Variants in BNC2 observed in about 807,000 individuals in gnomAD.
The protein encoded by BNC2 is zinc finger protein basonuclin-2.
A neutral mutation model predicts 76.3 loss-of-function variants in BNC2; 20 were observed. That is an observed-to-expected ratio of 0.26 (90% CI 0.18 to 0.38). The LOEUF is 0.38. Among genes scored for constraint, BNC2 ranks in the 10% least tolerant of loss-of-function variants. The probability of loss-of-function intolerance (pLI) is 1.00; values close to 1 mark genes in which losing one functional copy is unlikely to be tolerated. For missense variants in BNC2, 1,382 were observed against 1,399.8 expected (o/e 0.99, Z 0.20); for synonymous variants, 582 against 514.8 (o/e 1.13, Z -1.77).
At chr9:16,770,345 G>A (rs1371987899) in intron 1 of BNC2, among the ~76,000 whole-genome samples, 2 of 152,104 alleles carry the variant, frequency 1.3e-5, no homozygotes, top group African/African-American at 2.4e-5. Context: ...TCTCCCCAAA[G>A]CTCATTCACC....
At chr9:16,665,013 C>T in intron 3 of BNC2, 1 of 455,520 alleles carries the variant, frequency 2.2e-6, no homozygotes, top group South Asian at 1.6e-5. Context: ...TTAGATATCA[C>T]AGCAACTATC....
At chr9:16,677,045 T>C (rs1197926045) in intron 3 of BNC2, among the ~76,000 whole-genome samples, 1 of 152,200 alleles carries the variant, frequency 6.6e-6, no homozygotes, top group Admixed American at 6.5e-5. Flanking sequence ...AGGTAAATAA[T>C]ATTTAATTTT....
rs563643583 is a variant in BNC2, at chr9:16,727,409, C to CT, written c.330+387dup. ...ACTGTTTTTTAGGTTGCGGAACCTA[C>CT]TCCGAGAGAGCAAACACTTTGGACG... On this transcript the variant is annotated intron_variant, in intron 3 of 6. Transcript: ENST00000380672. The CT allele has an allele frequency of 6.5e-5, 13 of 199,578 alleles. No individual in the cohort carries two copies. The East Asian group carries it at 1.6e-3, about 25-fold the overall frequency. The allele number at this position is 199,578 out of a possible 1,614,324, so 12.4% of individuals were successfully genotyped here. A position where few individuals can be genotyped will look rare whatever the true frequency, so the allele number is the denominator to read the frequency against.
intron 3 of BNC2, among the ~76,000 whole-genome samples, chr9:16,664,460 T>C (rs138164335): frequency 6.6e-6 from 1 of 152,238 alleles, no homozygotes; most frequent in Non-Finnish European, 1.5e-5. Flanking sequence ...CATAAGCCTA[T>C]ACCAAGTTTT....
intron 5 of BNC2, among the ~76,000 whole-genome samples, chr9:16,523,057 T>A (rs1411825393): frequency 3.3e-5 from 5 of 152,222 alleles, no homozygotes; most frequent in African/African-American, 1.2e-4. Flanking sequence ...AAATGAAACA[T>A]GGAAGCAGAA....
chr9:16,418,698 ATGTGTGTG>A lies in BNC2; in HGVS notation c.*283_*290del, dbSNP rs745647566. On this transcript the variant is annotated 3_prime_UTR_variant, in exon 7 of 7. Coordinates refer to ENST00000380672, the MANE Select transcript of BNC2 (RefSeq NM_017637.6). ...TGTGTGTGTGTGTGTGTGTATGTGC[ATGTGTGTG>A]TGTGTGTGTTTAAAGGGGTACTCTG... The A allele has an allele frequency of 6.8e-3, 2,049 of 300,300 alleles. 15 individuals carry two copies. Among genetic ancestry groups the A allele is most frequent in the Middle Eastern group, 0.029 (26 of 904 alleles). The allele number at this position is 300,300 out of a possible 1,614,324, so 18.6% of individuals were successfully genotyped here.
Position 16,437,297 on chromosome 9 carries a change from A to G in BNC2, c.897T>C (p.Ala299=), listed in dbSNP as rs374955786. The G allele has an allele frequency of 2.5e-6, 4 of 1,614,012 alleles. No homozygotes were observed. The highest frequency in any genetic ancestry group is 2.2e-5 in the East Asian group (1 of 44,890). ...NNRTRSPSLL[A]HLENSNPSSI... The stretch of plus-strand genomic sequence containing the variant: ...TGGAAGGATTGCTGTTCTCTAAGTG[A>G]GCAAGGAGGCTGGGACTCCTGGTGC... The change falls in exon 6 of 7, where the codon GCT becomes GCC. Residue 299 remains alanine, a synonymous_variant. Coordinates refer to ENST00000380672, the MANE Select transcript of BNC2 (RefSeq NM_017637.6).
At chr9:16,788,229 G>C (rs1321010736) in intron 1 of BNC2, among the ~76,000 whole-genome samples, 1 of 152,102 alleles carries the variant, frequency 6.6e-6, no homozygotes. Flanking sequence ...AACCACAGAT[G>C]AACTGACTTG....
At chr9:16,820,916 T>G (rs1011962910) in intron 1 of BNC2, among the ~76,000 whole-genome samples, 3 of 151,796 alleles carry the variant, frequency 2.0e-5, no homozygotes, top group African/African-American at 7.3e-5. Flanking sequence ...CTTAAAAGGA[T>G]TCAAGTAGGC....
intron 6 of BNC2, among the ~76,000 whole-genome samples, chr9:16,422,655 T>C (rs1820733290): frequency 6.6e-6 from 1 of 152,174 alleles, no homozygotes; most frequent in African/African-American, 2.4e-5. Flanking sequence ...CTCATGATAG[T>C]GGGCTTGAAG....
In BNC2 at chr9:16,414,798, A is replaced by T. The variant is rs1323331275; in HGVS notation, c.*4191T>A. ...GCCCTCATTCTCATTTGCTTGGCACATATCTGGGGTGTGTACAGAGAAAGG... is the reference window on the plus strand; with the variant it reads ...GCCCTCATTCTCATTTGCTTGGCACTTATCTGGGGTGTGTACAGAGAAAGG... On this transcript the variant is annotated 3_prime_UTR_variant, in exon 7 of 7. Transcript: ENST00000380672. The T allele has an allele frequency of 2.6e-5, 4 of 152,080 alleles. No individual in the cohort carries two copies. The highest frequency in any genetic ancestry group is 5.9e-5 in the Non-Finnish European group (4 of 68,030). 9.4% of individuals were successfully genotyped at this position (152,080 alleles called of 1,614,324 possible). A position where few individuals can be genotyped will look rare whatever the true frequency, so the allele number is the denominator to read the frequency against.
At chr9:16,599,128 T>C (rs1345096738) in intron 3 of BNC2, among the ~76,000 whole-genome samples, 1 of 152,172 alleles carries the variant, frequency 6.6e-6, no homozygotes, top group African/African-American at 2.4e-5. Context: ...CCAAAGACAA[T>C]GCTAGAAATT....
intron 5 of BNC2, among the ~76,000 whole-genome samples, chr9:16,515,959 C>T (rs928976104): frequency 2.1e-5 from 3 of 144,538 alleles, no homozygotes; most frequent in Non-Finnish European, 4.6e-5. Context: ...AAAAAAAAGT[C>T]AGACTGCCAC....
chr9:16,863,624 G>C (rs1376932598), intron 1 of BNC2, among the ~76,000 whole-genome samples: 1 of 152,204 alleles, frequency 6.6e-6, no homozygotes, highest in Admixed American at 6.5e-5. Flanking sequence ...GAACCCAGGA[G>C]ATGGAGGTTG....
At chr9:16,459,856 C>A (rs1176523001) in intron 5 of BNC2, among the ~76,000 whole-genome samples, 1 of 152,152 alleles carries the variant, frequency 6.6e-6, no homozygotes, top group East Asian at 1.9e-4. Flanking sequence ...ATATAAACCA[C>A]AGATTGCACA....
chr9:16,410,601 T>TA lies in BNC2; in HGVS notation c.*8387_*8388insT, dbSNP rs1486949231. The stretch of plus-strand genomic sequence containing the variant: ...TAAGATATAATACTAGAACATCTCA[T>TA]TCACTTAATTCACGTTATGCAAACC... On this transcript the variant is annotated 3_prime_UTR_variant, in exon 7 of 7. Coordinates refer to ENST00000380672, the MANE Select transcript of BNC2 (RefSeq NM_017637.6). 5 of 152,580 alleles carry TA rather than the reference T, an allele frequency of 3.3e-5. No homozygotes were observed. Among genetic ancestry groups the TA allele is most frequent in the African/African-American group, 1.2e-4 (5 of 41,434 alleles). The allele number at this position is 152,580 out of a possible 1,614,324, so 9.5% of individuals were successfully genotyped here.
intron 5 of BNC2, among the ~76,000 whole-genome samples, chr9:16,497,241 C>T (rs1822409686): frequency 1.3e-5 from 2 of 152,136 alleles, no homozygotes; most frequent in South Asian, 4.1e-4. Flanking sequence ...TGATGTAGGC[C>T]TAATTTCTAG....
intron 3 of BNC2, among the ~76,000 whole-genome samples, chr9:16,712,709 T>C (rs1823885364): frequency 6.6e-6 from 1 of 152,194 alleles, no homozygotes; most frequent in South Asian, 2.1e-4. Flanking sequence ...TTGAGACAGC[T>C]TGTAAATGGG....
rs1050022134 is a variant in BNC2 at position 16,640,575 on chromosome 9, C to T, written c.331-57490G>A. On this transcript the variant is annotated intron_variant, in intron 3 of 6. Transcript: ENST00000380672. ...TTTCAAATTATACAACTCAATTAAG[C>T]GGTCATTCTATTAGGCTGAGAAAAC... 4.6e-5 allele frequency among the ~76,000 whole-genome samples: 7 copies of T among 152,280 alleles called. No individual in the cohort carries two copies. The East Asian group carries it at 7.7e-4, about 17-fold the overall frequency.
Sources: gnomAD v4.1 joint callset for allele counts (sites outside exome capture counted in the v4.1 genomes callset) on GRCh38, gnomAD v4.1.1 for gene constraint, MANE v1.5 for transcripts, NCBI Gene and HGNC (gene_info 2026-07-23, HGNC 2026-07-21) for gene names.